PTPRD: variants seen among roughly 807,000 people sequenced by gnomAD.
PTPRD encodes the protein receptor-type tyrosine-protein phosphatase delta.
PTPRD carries 34 observed loss-of-function variants against 214.5 expected under a neutral mutation model. The observed-to-expected ratio is 0.16, with a 90% CI of 0.12 to 0.21. The LOEUF (loss-of-function observed/expected upper bound fraction) is 0.21. PTPRD is among the 10% of genes least tolerant of loss of function. PTPRD has a pLI of 1.00. For synonymous variants in PTPRD, 1,128 were observed against 845.7 expected, an observed-to-expected ratio of 1.33 and a Z score of -5.79; for missense variants, 2,545 against 2,398.7, an observed-to-expected ratio of 1.06 and a Z score of -1.27.
At chr9:9,427,776 G>T (rs982669490) in intron 8 of PTPRD, among the ~76,000 whole-genome samples, 4 of 152,124 alleles carry the variant, frequency 2.6e-5, no homozygotes, top group African/African-American at 7.2e-5. Context: ...TTAAAGAAAG[G>T]AATTTTCAAC....
At chr9:8,932,266 G>C (rs951539053) in intron 11 of PTPRD, among the ~76,000 whole-genome samples, 21 of 152,176 alleles carry the variant, frequency 1.4e-4, no homozygotes, top group African/African-American at 4.8e-4. Context: ...GTCGACTTTA[G>C]ATCTTTCCCA....
At chr9:8,571,142 GT>G (rs1425822301) in intron 14 of PTPRD, among the ~76,000 whole-genome samples, 1 of 151,988 alleles carries the variant, frequency 6.6e-6, no homozygotes, top group Non-Finnish European at 1.5e-5. Context: ...CCCATTTGGT[GT>G]TTATCACCAG....
chr9:8,484,739 G>A (rs2096962228), intron 29 of PTPRD, among the ~76,000 whole-genome samples: 1 of 151,194 alleles, frequency 6.6e-6, no homozygotes, highest in Non-Finnish European at 1.5e-5. Flanking sequence ...ATTTTCTAAA[G>A]GTTTTGGTTC....
At chr9:9,411,069 G>C (rs1403404875) in intron 8 of PTPRD, among the ~76,000 whole-genome samples, 6 of 152,008 alleles carry the variant, frequency 3.9e-5, no homozygotes, top group Non-Finnish European at 7.4e-5. Context: ...GTGTGTGTTG[G>C]ACTAGAAAAA....
At chr9:10,368,464 C>A (rs2097553374) in intron 2 of PTPRD, among the ~76,000 whole-genome samples, 1 of 152,018 alleles carries the variant, frequency 6.6e-6, no homozygotes, top group African/African-American at 2.4e-5. Flanking sequence ...ATACCTCTCA[C>A]CCTTCTCAGG....
intron 3 of PTPRD, among the ~76,000 whole-genome samples, chr9:10,244,951 G>T (rs1487328153): frequency 6.6e-6 from 1 of 152,018 alleles, no homozygotes; most frequent in African/African-American, 2.4e-5. Context: ...CAGTATACTG[G>T]AAAACTCTTC....
Position 10,298,383 on chromosome 9 carries a change from ATAG to A in PTPRD, c.-545+42577_-545+42579del, listed in dbSNP as rs566739887. Among the ~76,000 whole-genome samples, 126 of 143,308 alleles carry A rather than the reference ATAG, an allele frequency of 8.8e-4. 3 individuals carry two copies. The South Asian group carries it at 0.025, about 28-fold the overall frequency. 94.0% of individuals were successfully genotyped at this position (143,308 alleles called of 152,430 possible). Reference sequence around the variant, plus strand: ...AATTAGAGTTCCATTGGTTCCAATTATAGTACGATATGATCCTTGCCAAGCCAT... The same window carrying A: ...AATTAGAGTTCCATTGGTTCCAATTATACGATATGATCCTTGCCAAGCCAT... On this transcript the variant is annotated intron_variant, in intron 3 of 45. Transcript: ENST00000381196.
chr9:8,606,608 C>T (rs140845505), intron 14 of PTPRD, among the ~76,000 whole-genome samples: 1 of 152,342 alleles, frequency 6.6e-6, no homozygotes, highest in Non-Finnish European at 1.5e-5. Flanking sequence ...AGCTTTACTT[C>T]ACTACATGAT....
At chr9:9,465,585 G>A (rs1272418076) in intron 8 of PTPRD, among the ~76,000 whole-genome samples, 1 of 152,172 alleles carries the variant, frequency 6.6e-6, no homozygotes, top group East Asian at 1.9e-4. Context: ...GTCTCTACAG[G>A]ACAGTTTAGA....
At chr9:8,453,473 T>C (rs912989618) in intron 33 of PTPRD, among the ~76,000 whole-genome samples, 2 of 152,304 alleles carry the variant, frequency 1.3e-5, no homozygotes, top group Non-Finnish European at 2.9e-5. Context: ...CGATGAAAGG[T>C]AGTATTTTAA....
chr9:10,497,962 T>A (rs1424078820), intron 2 of PTPRD, among the ~76,000 whole-genome samples: 1 of 152,028 alleles, frequency 6.6e-6, no homozygotes, highest in Non-Finnish European at 1.5e-5. Flanking sequence ...ATAGCTGGAC[T>A]TTTTATTATT....
intron 4 of PTPRD, among the ~76,000 whole-genome samples, chr9:9,973,771 G>C (rs1352198946): frequency 1.3e-5 from 2 of 152,010 alleles, no homozygotes; most frequent in African/African-American, 2.4e-5. Flanking sequence ...CACAGAGTAA[G>C]GAGTCTTTTT....
At chr9:9,661,198 T>C (rs1183423347) in intron 7 of PTPRD, among the ~76,000 whole-genome samples, 1 of 151,948 alleles carries the variant, frequency 6.6e-6, no homozygotes, top group African/African-American at 2.4e-5. Flanking sequence ...AAGGTGGACC[T>C]GTCCCTTCCT....
At chr9:8,921,317 T>A (rs1306081197) in intron 11 of PTPRD, among the ~76,000 whole-genome samples, 1 of 152,098 alleles carries the variant, frequency 6.6e-6, no homozygotes, top group Non-Finnish European at 1.5e-5. Context: ...CTCTCACTCC[T>A]CTCTCACACA....
chr9:10,166,374 A>ATT (rs58443812), intron 3 of PTPRD, among the ~76,000 whole-genome samples: 1 of 150,762 alleles, frequency 6.6e-6, no homozygotes, highest in Admixed American at 6.6e-5. Context: ...GCCAATGCTG[A>ATT]TTTTTTTTTG....
Position 8,383,235 on chromosome 9 carries a change from T to C in PTPRD, c.4386+5997A>G, listed in dbSNP as rs2085753216. Among the ~76,000 whole-genome samples the C allele has an allele frequency of 3.9e-5, 6 of 152,004 alleles. No homozygotes were observed. The South Asian group carries it at 1.2e-3, about 31-fold the overall frequency. The stretch of plus-strand genomic sequence containing the variant: ...TTTTAGCCATAGAACAAAATGTGAA[T>C]GTCTCCACCTCACCTTCACTTTGTG... On this transcript the variant is annotated intron_variant, in intron 37 of 45. Coordinates refer to ENST00000381196, the MANE Select transcript of PTPRD (RefSeq NM_002839.4).
At chr9:10,496,721 T>C (rs1249526625) in intron 2 of PTPRD, among the ~76,000 whole-genome samples, 2 of 152,078 alleles carry the variant, frequency 1.3e-5, no homozygotes, top group Admixed American at 1.3e-4. Flanking sequence ...GTTGAGCATT[T>C]TTGCATATGC....
At chr9:9,122,088 T>C (rs1000131041) in intron 10 of PTPRD, among the ~76,000 whole-genome samples, 4 of 152,184 alleles carry the variant, frequency 2.6e-5, no homozygotes, top group African/African-American at 9.6e-5. Context: ...ACAAAAAAAG[T>C]AGATCCTTGA....
intron 2 of PTPRD, among the ~76,000 whole-genome samples, chr9:10,454,232 A>G (rs1187129298): frequency 6.6e-6 from 1 of 151,606 alleles, no homozygotes; most frequent in Non-Finnish European, 1.5e-5. Context: ...CAAAGGCCAC[A>G]TATTTCCTTG....
Sources: gnomAD v4.1 joint callset for allele counts (sites outside exome capture counted in the v4.1 genomes callset) on GRCh38, gnomAD v4.1.1 for gene constraint, MANE v1.5 for transcripts, NCBI Gene and HGNC (gene_info 2026-07-23, HGNC 2026-07-21) for gene names.